The following ZMYND19 variants were observed in gnomAD, a reference collection of about 807,000 sequenced individuals.
ZMYND19 encodes the protein zinc finger MYND-type containing 19.
A neutral mutation model predicts 32.0 loss-of-function variants in ZMYND19; 17 were observed. That is an observed-to-expected ratio of 0.53 (90% CI 0.36 to 0.80). The LOEUF is 0.80. Ranked by LOEUF, ZMYND19 falls within the 30% of genes least tolerant of loss-of-function variation. ZMYND19 has a pLI of 0.00. For synonymous variants in ZMYND19, 124 were observed against 113.6 expected, an observed-to-expected ratio of 1.09 and a Z score of -0.58; for missense variants, 250 against 293.6, an observed-to-expected ratio of 0.85 and a Z score of 1.09.
Position 137,590,119 on chromosome 9 carries a change from C to T in ZMYND19, c.51+94G>A, listed in dbSNP as rs1167764404. 1.6e-5 allele frequency: 16 copies of T among 982,528 alleles called. No homozygotes were observed. The highest frequency in any genetic ancestry group is 1.8e-5 in the Non-Finnish European group (15 of 828,876). 60.9% of individuals were successfully genotyped at this position (982,528 alleles called of 1,614,324 possible). On this transcript the variant is annotated intron_variant, in intron 1 of 5. Coordinates refer to ENST00000298585, the MANE Select transcript of ZMYND19 (RefSeq NM_138462.3). The surrounding 1 kb of genome is among the most constrained non-coding windows in gnomAD (Gnocchi z 4.2). ...TGGGGCCCATCCCGGGCTCCGCGCC[C>T]CCGCCCCGGCCGCCGCCCGCACAAC...
At chr9:137,588,320 G>A (rs1258569368) in intron 2 of ZMYND19, among the ~76,000 whole-genome samples, 1 of 152,236 alleles carries the variant, frequency 6.6e-6, no homozygotes, top group Non-Finnish European at 1.5e-5. Context: ...GCTCTAAAGA[G>A]CAGGGTCTTC....
chr9:137,589,298 G>A, intron 1 of ZMYND19: 1 of 981,526 alleles, frequency 1.0e-6, no homozygotes, highest in East Asian at 1.1e-4. Flanking sequence ...CTCCCCAGCA[G>A]GCCCTGCCTA....
chr9:137,590,389 G>A lies in ZMYND19; in HGVS notation c.-126C>T, dbSNP rs554582475. ...GCCGGGGTCGGGGTAGCAGCCAGGC[G>A]GGCTCCGGGCGGGACGAGGCTGGGC... is the stretch of plus-strand genomic sequence containing the variant. On this transcript the variant is annotated 5_prime_UTR_variant, in exon 1 of 6. Transcript: ENST00000298585. The surrounding 1 kb of genome is among the most constrained non-coding windows in gnomAD (Gnocchi z 4.2). 5.0e-4 allele frequency: 283 copies of A among 565,610 alleles called. 9 individuals are homozygous for A. The South Asian group carries it at 0.019, about 38-fold the overall frequency. The allele number at this position is 565,610 out of a possible 1,614,324, so 35.0% of individuals were successfully genotyped here. A position where few individuals can be genotyped will look rare whatever the true frequency, so the allele number is the denominator to read the frequency against.
chr9:137,585,987 T>C (rs1449119017), intron 4 of ZMYND19, among the ~76,000 whole-genome samples: 2 of 152,222 alleles, frequency 1.3e-5, no homozygotes, highest in Non-Finnish European at 2.9e-5. Flanking sequence ...GGGGACTCCC[T>C]GGCTCAACTG....
chr9:137,584,355 CCA>C (rs1485649382), intron 4 of ZMYND19, among the ~76,000 whole-genome samples: 3 of 152,244 alleles, frequency 2.0e-5, no homozygotes, highest in Admixed American at 1.3e-4. Flanking sequence ...CCTGCCGTGC[CCA>C]CAGAGAATGG....
chr9:137,588,836 A>G (rs1842237052), intron 1 of ZMYND19, 118 bp from the exon 2 acceptor site: 1 of 1,184,740 alleles, frequency 8.4e-7, no homozygotes, highest in East Asian at 2.3e-5. Flanking sequence ...GAAAGTAACT[A>G]CAGGCCTCTT....
Position 137,588,683 on chromosome 9 carries a change from C to A in ZMYND19, c.87G>T (p.Pro29=), listed in dbSNP as rs748333089. The change falls in exon 2 of 6, where the codon CCG becomes CCT. Residue 29 remains proline (P), a synonymous_variant. Transcript: ENST00000298585. ...KYTLIDEQDI[P]LVESYSFEAR... ...CCTCAAAGGAGTAGCTCTCCACCAG[C>A]GGGATGTCCTGCTCATCGATCAGCG... is the stretch of plus-strand genomic sequence containing the variant. 1 of 1,614,172 alleles carries A rather than the reference C, an allele frequency of 6.2e-7. No individual in the cohort carries two copies. The highest frequency in any genetic ancestry group is 1.3e-5 in the African/African-American group (1 of 75,046).
chr9:137,588,517 G>A (rs918309667), intron 2 of ZMYND19, 142 bp downstream of exon 2: 13 of 880,488 alleles, frequency 1.5e-5, no homozygotes, highest in South Asian at 1.3e-4. Flanking sequence ...TGGGGCTGAC[G>A]GCTCAGGGCT....
chr9:137,589,060 A>C (rs1842239726), intron 1 of ZMYND19: 1 of 262,566 alleles, frequency 3.8e-6, no homozygotes, highest in Admixed American at 5.0e-5. Context: ...TGTTTCACTG[A>C]GCTGAGGGAG....
intron 5 of ZMYND19, 140 bp downstream of exon 5, chr9:137,582,843 G>A (rs1192061623): frequency 6.7e-7 from 1 of 1,502,614 alleles, no homozygotes; most frequent in Admixed American, 2.0e-5. Context: ...GGCAAAGGGA[G>A]ACCACTCTGG....
intron 3 of ZMYND19, 147 bp downstream of exon 3, chr9:137,587,570 T>C: frequency 1.4e-6 from 1 of 712,348 alleles, no homozygotes; most frequent in South Asian, 1.6e-5. Flanking sequence ...TCCTTTGGGT[T>C]AGTGGTGAAG....
Position 137,587,787 on chromosome 9 carries a change from T to C in ZMYND19, c.148A>G (p.Lys50Glu). The change falls in exon 3 of 6, where the codon AAG (lysine) becomes GAG (glutamate). Residue 50 changes from lysine (K) to glutamate (E), a missense_variant. Physicochemically the swap from Lys to Glu is moderately conservative, Grantham distance 56. Transcript: ENST00000298585. ...MEVDADGNGA[K>E]IFAYAFDKNR... ...TTGTCAAAGGCATAGGCAAATATCT[T>C]AGCACCATTTCCATCTGCATCCACT... is the stretch of plus-strand genomic sequence containing the variant. 6.2e-7 allele frequency: 1 copy of C among 1,614,152 alleles called. No individual in the cohort carries two copies.
chr9:137,582,901 G>T (rs887953942), intron 5 of ZMYND19, 82 bp downstream of exon 5: 6 of 1,567,392 alleles, frequency 3.8e-6, no homozygotes, highest in African/African-American at 1.3e-5. Context: ...ATGGGACCCC[G>T]CGGTGGAGGG....
Position 137,588,071 on chromosome 9 carries a change from T to C in ZMYND19, c.112-248A>G, listed in dbSNP as rs550848518. On this transcript the variant is annotated intron_variant, in intron 2 of 5. Transcript: ENST00000298585. Reference sequence around the variant, plus strand: ...CAACTCTGCAAAATACAATGGGACATAGACAAATACATTTTCCTACCCTTA... The same window carrying C: ...CAACTCTGCAAAATACAATGGGACACAGACAAATACATTTTCCTACCCTTA... 3.9e-5 allele frequency among the ~76,000 whole-genome samples: 6 copies of C among 152,156 alleles called. No individual in the cohort carries two copies. The East Asian group carries it at 1.2e-3, about 29-fold the overall frequency.
rs1255623461 is a variant in ZMYND19, at chr9:137,582,472, A to G, written c.*71T>C. On this transcript the variant is annotated 3_prime_UTR_variant, in exon 6 of 6. Coordinates refer to ENST00000298585, the MANE Select transcript of ZMYND19 (RefSeq NM_138462.3). ...GGCTTTTTTGGCACCTCCAGGTTCAACCACCAGTCTGTCTCTGCTGTGCCC... is the reference window on the plus strand; with the variant it reads ...GGCTTTTTTGGCACCTCCAGGTTCAGCCACCAGTCTGTCTCTGCTGTGCCC... 2 of 1,542,456 alleles carry G rather than the reference A, an allele frequency of 1.3e-6. No individual in the cohort carries two copies. Among genetic ancestry groups the G allele is most frequent in the African/African-American group, 1.4e-5 (1 of 73,070 alleles).
At chr9:137,588,921 C>G (rs1258791269) in intron 1 of ZMYND19, 3 of 575,370 alleles carry the variant, frequency 5.2e-6, no homozygotes, top group Non-Finnish European at 9.2e-6. Flanking sequence ...AAAACACAGG[C>G]AGACAGGTTA....
chr9:137,583,803 C>T (rs978854584), intron 4 of ZMYND19, among the ~76,000 whole-genome samples: 4 of 152,246 alleles, frequency 2.6e-5, no homozygotes, highest in Non-Finnish European at 5.9e-5. Context: ...TGAGGTCCCA[C>T]CAGACAGAGG....
At chr9:137,585,691 C>T (rs1459094295) in intron 4 of ZMYND19, among the ~76,000 whole-genome samples, 2 of 152,148 alleles carry the variant, frequency 1.3e-5, no homozygotes, top group Admixed American at 6.5e-5. Flanking sequence ...ATTTTGGAGG[C>T]CTGGGGACTG....
At position 137,583,264 on chromosome 9, in the gene ZMYND19, A is replaced by G. The variant is rs1842168106; in HGVS notation, c.360-101T>C. 4 of 1,335,168 alleles carry G rather than the reference A, an allele frequency of 3.0e-6. No homozygotes were observed. The South Asian group carries it at 5.4e-5, about 18-fold the overall frequency. 82.7% of individuals were successfully genotyped at this position (1,335,168 alleles called of 1,614,324 possible). A position where few individuals can be genotyped will look rare whatever the true frequency, so the allele number is the denominator to read the frequency against. ...CATAGAGTGCCATCCTGCCCAGGACACCCAGCCCGAGTTTGAGTCTCCTTT... is the reference window on the plus strand; with the variant it reads ...CATAGAGTGCCATCCTGCCCAGGACGCCCAGCCCGAGTTTGAGTCTCCTTT... On this transcript the variant is annotated intron_variant, in intron 4 of 5. Coordinates refer to ENST00000298585, the MANE Select transcript of ZMYND19 (RefSeq NM_138462.3).
Sources: allele counts gnomAD v4.1 joint callset (sites outside exome capture counted in the v4.1 genomes callset), GRCh38; gene constraint gnomAD v4.1.1; non-coding constraint Gnocchi (gnomAD v3.1); transcripts MANE v1.5; gene names NCBI Gene and HGNC (gene_info 2026-07-23, HGNC 2026-07-21).